Variants in STX18 observed in about 807,000 individuals in gnomAD.
STX18 encodes the protein syntaxin 18, also known as syntaxin-18.
Under a neutral mutation model 50.1 loss-of-function variants are expected in STX18, and 40 were observed. The observed-to-expected ratio is 0.80, with a 90% confidence interval of 0.62 to 1.04. STX18 has a LOEUF of 1.04. STX18 is among the 50% of genes least tolerant of loss of function. The pLI, the probability that STX18 is intolerant of heterozygous loss-of-function variation, is 0.00. For missense variants in STX18, 410 were observed against 415.8 expected (o/e 0.99, Z 0.12); for synonymous variants, 158 against 151.8 (o/e 1.04, Z -0.30).
rs747757363 is a variant in STX18 at position 4,438,427 on chromosome 4, A to G, written c.580T>C (p.Ser194Pro). Residue 194 changes from serine to proline, a missense_variant, in exon 6 of 11, where the codon TCT becomes CCT. Coordinates refer to ENST00000306200, the MANE Select transcript of STX18 (RefSeq NM_016930.4). ...EKVSQSPSKDSEENPATEERP... is the reference protein window; with the variant it reads ...EKVSQSPSKDPEENPATEERP... ...TCTTCAGTGGCAGGGTTTTCTTCAG[A>G]GTCTTTTGAAGGACTCTGTGAAACT... 1.9e-6 allele frequency: 3 copies of G among 1,613,698 alleles called. No homozygotes were observed. The Admixed American group carries it at 5.0e-5, about 27-fold the overall frequency.
chr4:4,524,915 G>C (rs564371519), intron 1 of STX18, among the ~76,000 whole-genome samples: 1 of 152,260 alleles, frequency 6.6e-6, no homozygotes, highest in Admixed American at 6.5e-5. Context: ...AACAGGGAGA[G>C]GGTGAGAGTG....
At chr4:4,438,552 C>A in intron 5 of STX18, 43 bp from the exon 6 acceptor site, 1 of 1,498,426 alleles carries the variant, frequency 6.7e-7, no homozygotes, top group Non-Finnish European at 9.2e-7. Flanking sequence ...ATTTCCATAA[C>A]AGGATTCCTT....
intron 5 of STX18, among the ~76,000 whole-genome samples, chr4:4,445,820 C>T (rs1391349989): frequency 6.6e-6 from 1 of 151,954 alleles, no homozygotes; most frequent in Non-Finnish European, 1.5e-5. Flanking sequence ...CTGAAGAAAC[C>T]GAAAAGCTGA....
intron 1 of STX18, among the ~76,000 whole-genome samples, chr4:4,529,270 G>A (rs931216385): frequency 1.3e-5 from 2 of 152,198 alleles, no homozygotes; most frequent in Non-Finnish European, 2.9e-5. Flanking sequence ...GCTGAGGCAC[G>A]AGAATGGAGT....
chr4:4,455,176 C>T (rs1244059926), intron 5 of STX18, among the ~76,000 whole-genome samples: 5 of 152,188 alleles, frequency 3.3e-5, no homozygotes, highest in African/African-American at 1.2e-4. Flanking sequence ...TACCATTTCC[C>T]CCTCTGAGCT....
At chr4:4,456,328 G>C (rs537386124) in intron 5 of STX18, among the ~76,000 whole-genome samples, 8 of 152,158 alleles carry the variant, frequency 5.3e-5, no homozygotes, top group African/African-American at 1.9e-4. Flanking sequence ...GTTATCTTCT[G>C]AAAGAACATC....
Position 4,541,959 on chromosome 4 carries a change from C to T in STX18, c.6G>A (p.Ala2=), listed in dbSNP as rs781243259. ...CCCGGAATAGCAGCGTGATGTCCAC[C>T]GCCATAGCGACCCGCACCCTCAGCC... The part of the protein sequence containing the change: M[A]VDITLLFRAS... Residue 2 remains alanine (A), a synonymous_variant, in exon 1 of 11, where the codon GCG becomes GCA. Coordinates refer to ENST00000306200, the MANE Select transcript of STX18 (RefSeq NM_016930.4). 6.2e-7 allele frequency: 1 copy of T among 1,603,058 alleles called. No individual in the cohort carries two copies. Among genetic ancestry groups the T allele is most frequent in the Non-Finnish European group, 8.5e-7 (1 of 1,176,026 alleles).
chr4:4,466,829 T>G (rs1727642901), intron 2 of STX18, among the ~76,000 whole-genome samples: 1 of 152,170 alleles, frequency 6.6e-6, no homozygotes, highest in Non-Finnish European at 1.5e-5. Flanking sequence ...TAGAGCTGTC[T>G]AAAAGGGACA....
At chr4:4,519,632 A>G (rs1347089890) in intron 1 of STX18, among the ~76,000 whole-genome samples, 3 of 152,224 alleles carry the variant, frequency 2.0e-5, no homozygotes, top group Non-Finnish European at 4.4e-5. Flanking sequence ...AACACTATAT[A>G]GGCAAAAAAG....
At chr4:4,536,109 G>A (rs1243519407) in intron 1 of STX18, among the ~76,000 whole-genome samples, 1 of 152,322 alleles carries the variant, frequency 6.6e-6, no homozygotes, top group East Asian at 1.9e-4. Context: ...AGTAATAAAA[G>A]CTACTATTTA....
At chr4:4,428,809 C>T (rs929660651) in intron 7 of STX18, among the ~76,000 whole-genome samples, 1 of 152,150 alleles carries the variant, frequency 6.6e-6, no homozygotes, top group African/African-American at 2.4e-5. Context: ...GTCAGCACGA[C>T]AGATGGGTAT....
intron 1 of STX18, among the ~76,000 whole-genome samples, chr4:4,511,192 A>T (rs1251055134): frequency 6.6e-6 from 1 of 152,110 alleles, no homozygotes; most frequent in Non-Finnish European, 1.5e-5. Flanking sequence ...TAAAAAAAGA[A>T]ATCCATGCCA....
At chr4:4,472,542 T>C (rs1037092063) in intron 1 of STX18, among the ~76,000 whole-genome samples, 20 of 152,230 alleles carry the variant, frequency 1.3e-4, no homozygotes, top group African/African-American at 4.3e-4. Flanking sequence ...GGAACTTTCA[T>C]CTCTTCCATG....
chr4:4,431,412 A>G (rs1255404711), intron 7 of STX18, among the ~76,000 whole-genome samples: 2 of 152,196 alleles, frequency 1.3e-5, no homozygotes, highest in Non-Finnish European at 2.9e-5. Context: ...TGGCTGTAGG[A>G]CGGGAATATG....
intron 1 of STX18, among the ~76,000 whole-genome samples, chr4:4,536,477 T>C (rs1731337728): frequency 1.3e-5 from 2 of 152,190 alleles, no homozygotes; most frequent in Admixed American, 6.5e-5. Flanking sequence ...AAGGAAGGCC[T>C]CACGGAGGCA....
At chr4:4,460,996 C>A (rs549485160) in intron 2 of STX18, among the ~76,000 whole-genome samples, 1 of 152,136 alleles carries the variant, frequency 6.6e-6, no homozygotes, top group South Asian at 2.1e-4. Context: ...GGGTCAGGGA[C>A]AAATGAGTCA....
At chr4:4,500,821 A>G (rs763339864) in intron 1 of STX18, among the ~76,000 whole-genome samples, 1 of 152,164 alleles carries the variant, frequency 6.6e-6, no homozygotes, top group Non-Finnish European at 1.5e-5. Flanking sequence ...GGATCACCTG[A>G]GGTCAGGAGT....
chr4:4,493,573 T>C (rs776659633), intron 1 of STX18, among the ~76,000 whole-genome samples: 9 of 152,202 alleles, frequency 5.9e-5, no homozygotes, highest in African/African-American at 1.9e-4. Flanking sequence ...ATTATCTTCA[T>C]TGTAGGCTGC....
intron 1 of STX18, among the ~76,000 whole-genome samples, chr4:4,474,421 A>AAT (rs766279146): frequency 4.2e-4 from 64 of 152,282 alleles, no homozygotes; most frequent in South Asian, 8.3e-4. Context: ...GAAGGATTAT[A>AAT]CCTGCTACCG....
Sources: allele counts gnomAD v4.1 joint callset (sites outside exome capture counted in the v4.1 genomes callset), GRCh38; gene constraint gnomAD v4.1.1; transcripts MANE v1.5; gene names NCBI Gene and HGNC (gene_info 2026-07-23, HGNC 2026-07-21).